Variants in RABGAP1L observed in about 807,000 individuals in gnomAD.
RABGAP1L encodes the protein rab GTPase-activating protein 1-like.
A neutral mutation model predicts 137.7 loss-of-function variants in RABGAP1L; 63 were observed. The ratio of observed to expected loss-of-function variants is 0.46; its 90% confidence interval spans 0.37 to 0.56. RABGAP1L has a LOEUF of 0.56. Ranked by LOEUF, RABGAP1L falls within the 20% of genes least tolerant of loss-of-function variation. The pLI is 0.00. For synonymous variants in RABGAP1L, 431 were observed against 433.7 expected (o/e 0.99, Z 0.08); for missense variants, 1,095 against 1,244.0 (o/e 0.88, Z 1.80).
At chr1:174,496,182 A>G (rs935984488) in intron 13 of RABGAP1L, among the ~76,000 whole-genome samples, 1 of 152,092 alleles carries the variant, frequency 6.6e-6, no homozygotes, top group Non-Finnish European at 1.5e-5. Context: ...ATTCCACTAT[A>G]CTCTATGGTG....
intron 3 of RABGAP1L, among the ~76,000 whole-genome samples, chr1:174,223,526 C>T (rs1669935548): frequency 6.7e-6 from 1 of 150,132 alleles, no homozygotes; most frequent in Admixed American, 6.6e-5. Flanking sequence ...TTCATAATAC[C>T]AACAAAAATA....
At chr1:174,835,230 G>A (rs1210542646) in intron 19 of RABGAP1L, among the ~76,000 whole-genome samples, 1 of 152,118 alleles carries the variant, frequency 6.6e-6, no homozygotes, top group Non-Finnish European at 1.5e-5. Context: ...AAATTTGGAG[G>A]GGGGAATGAT....
chr1:174,637,075 C>T (rs72715269), intron 13 of RABGAP1L, among the ~76,000 whole-genome samples: 7,467 of 152,168 alleles, frequency 0.049, 272 homozygotes, highest in Non-Finnish European at 0.072. Context: ...GTGAAAGAAA[C>T]AGTCTAGTTT....
intron 13 of RABGAP1L, among the ~76,000 whole-genome samples, chr1:174,530,287 C>T (rs1044498788): frequency 3.9e-5 from 6 of 152,088 alleles, no homozygotes; most frequent in Admixed American, 1.3e-4. Context: ...TAGGCAGCTG[C>T]CATGCTTCTC....
intron 11 of RABGAP1L, among the ~76,000 whole-genome samples, chr1:174,338,388 A>G (rs965891738): frequency 2.6e-5 from 4 of 152,192 alleles, no homozygotes; most frequent in African/African-American, 9.6e-5. Flanking sequence ...TCTGGGTTGT[A>G]TATCTTTTAC....
chr1:174,175,597 C>A (rs1463295406), intron 1 of RABGAP1L, among the ~76,000 whole-genome samples: 1 of 149,440 alleles, frequency 6.7e-6, no homozygotes, highest in South Asian at 2.1e-4. Flanking sequence ...ATAGGGACTA[C>A]AGGCACGTGC....
intron 19 of RABGAP1L, among the ~76,000 whole-genome samples, chr1:174,913,139 C>T (rs1300801787): frequency 6.6e-6 from 1 of 152,082 alleles, no homozygotes; most frequent in Non-Finnish European, 1.5e-5. Flanking sequence ...CCACGCCTGG[C>T]TAATTTTTGT....
intron 10 of RABGAP1L, among the ~76,000 whole-genome samples, chr1:174,297,164 T>C (rs1173902477): frequency 2.6e-5 from 4 of 152,210 alleles, no homozygotes; most frequent in Admixed American, 2.6e-4. Flanking sequence ...TAAGACTCCC[T>C]ATAACAAAAG....
intron 14 of RABGAP1L, among the ~76,000 whole-genome samples, chr1:174,682,035 C>A (rs953519086): frequency 1.3e-5 from 2 of 152,054 alleles, no homozygotes; most frequent in Non-Finnish European, 2.9e-5. Flanking sequence ...AATCCTAGCA[C>A]TTTGGGAGGC....
At chr1:174,888,652 C>T (rs765738853) in intron 19 of RABGAP1L, among the ~76,000 whole-genome samples, 26 of 152,162 alleles carry the variant, frequency 1.7e-4, no homozygotes, top group East Asian at 3.9e-4. Context: ...TGCACCACCA[C>T]GCCCAGCTAA....
intron 13 of RABGAP1L, among the ~76,000 whole-genome samples, chr1:174,491,892 A>G (rs942963847): frequency 6.6e-6 from 1 of 152,094 alleles, no homozygotes; most frequent in Non-Finnish European, 1.5e-5. Context: ...GCGTGTCACA[A>G]TCACTGCATT....
At chr1:174,387,735 GTAC>G in intron 12 of RABGAP1L, among the ~76,000 whole-genome samples, 1 of 151,846 alleles carries the variant, frequency 6.6e-6, no homozygotes, top group Non-Finnish European at 1.5e-5. Flanking sequence ...GAAATTCAGT[GTAC>G]ATTTTTTTCA....
At chr1:174,562,535 G>C (rs1312223195) in intron 13 of RABGAP1L, among the ~76,000 whole-genome samples, 2 of 152,158 alleles carry the variant, frequency 1.3e-5, no homozygotes, top group East Asian at 1.9e-4. Flanking sequence ...CAGTCATTCT[G>C]CTATAAAGAC....
At chr1:174,320,307 C>T (rs1679830699) in intron 11 of RABGAP1L, among the ~76,000 whole-genome samples, 1 of 152,034 alleles carries the variant, frequency 6.6e-6, no homozygotes, top group African/African-American at 2.4e-5. Context: ...ATAGTTTTAC[C>T]TTTTCTTCAG....
intron 12 of RABGAP1L, among the ~76,000 whole-genome samples, chr1:174,383,610 C>A (rs769461915): frequency 2.0e-5 from 3 of 152,164 alleles, no homozygotes; most frequent in Admixed American, 6.5e-5. Context: ...TGACCCCTTG[C>A]GCTTCCCAAG....
At chr1:174,637,260 TA>T (rs1452596211) in intron 13 of RABGAP1L, 114 bp from the exon 14 acceptor site, 12 of 699,998 alleles carry the variant, frequency 1.7e-5, no homozygotes, top group Admixed American at 5.5e-5. Flanking sequence ...GGGAAGTTTT[TA>T]TGTTTTTCTG....
intron 1 of RABGAP1L, among the ~76,000 whole-genome samples, chr1:174,171,641 C>T (rs1186991976): frequency 1.3e-5 from 2 of 151,658 alleles, no homozygotes; most frequent in African/African-American, 2.4e-5. Flanking sequence ...CCATTTCGTC[C>T]CCCTCCTTTC....
At chr1:174,508,765 T>C (rs541722656) in intron 13 of RABGAP1L, among the ~76,000 whole-genome samples, 2 of 152,298 alleles carry the variant, frequency 1.3e-5, no homozygotes, top group African/African-American at 2.4e-5. Context: ...TTTTTATTTG[T>C]AAACTTATTT....
At chr1:174,176,539 GTC>G (rs1417337687) in intron 1 of RABGAP1L, among the ~76,000 whole-genome samples, 15 of 150,576 alleles carry the variant, frequency 1.0e-4, no homozygotes, top group Admixed American at 7.3e-4. Context: ...GTGAAACGCT[GTC>G]TCTACCAAAA....
Sources: gnomAD v4.1 joint callset for allele counts (sites outside exome capture counted in the v4.1 genomes callset) on GRCh38, gnomAD v4.1.1 for gene constraint, MANE v1.5 for transcripts, NCBI Gene and HGNC (gene_info 2026-07-23, HGNC 2026-07-21) for gene names.